CBARP: variants seen among roughly 807,000 people sequenced by gnomAD.
The protein encoded by CBARP is voltage-dependent calcium channel beta subunit-associated regulatory protein.
CBARP carries 24 observed loss-of-function variants against 36.3 expected under a neutral mutation model. The ratio of observed to expected loss-of-function variants is 0.66; its 90% CI spans 0.48 to 0.93. The LOEUF (loss-of-function observed/expected upper bound fraction) is 0.93, where lower values mean the gene tolerates loss of function less well. Among genes scored for constraint, CBARP ranks in the 40% least tolerant of loss-of-function variants. The probability of loss-of-function intolerance (pLI) is 0.00; values close to 1 mark genes in which losing one functional copy is unlikely to be tolerated. For synonymous variants in CBARP, 586 were observed against 453.2 expected, an observed-to-expected ratio of 1.29 and a Z score of -3.72; for missense variants, 1,146 against 980.4, an observed-to-expected ratio of 1.17 and a Z score of -2.26.
rs920154901 is a variant in CBARP, at chr19:1,236,132, G to A, written c.-21-11C>T. On this transcript the variant is annotated splice_polypyrimidine_tract_variant and intron_variant, in intron 1 of 9. Coordinates refer to ENST00000650044, the MANE Select transcript of CBARP (RefSeq NM_001393918.1). ...CTGGGGAGGAGGGCCCTGTGGGGAG[G>A]AAGCCTGGTCAGCTCCAGCTAGACC... 1.4e-6 allele frequency: 2 copies of A among 1,413,912 alleles called. No individual in the cohort carries two copies. The highest frequency in any genetic ancestry group is 1.5e-5 in the African/African-American group (1 of 68,300). The allele number at this position is 1,413,912 out of a possible 1,614,324, so 87.6% of individuals were successfully genotyped here. A position where few individuals can be genotyped will look rare whatever the true frequency, so the allele number is the denominator to read the frequency against.
In CBARP at chr19:1,235,151, T is replaced by C. The variant is rs769036913; in HGVS notation, c.311-6A>G. On this transcript the variant is annotated splice_polypyrimidine_tract_variant and splice_region_variant and intron_variant, in intron 4 of 9. Transcript: ENST00000650044. ...CTCTCCCCGGAAGTCGGGGTCTGCG[T>C]GGAGAGGCAGGAGAGGGTGGGCCCC... 10 of 1,567,216 alleles carry C rather than the reference T, an allele frequency of 6.4e-6. No individual in the cohort carries two copies. In the South Asian group the frequency reaches 1.2e-4, roughly 18 times the overall value.
At chr19:1,233,063 G>A (rs1355969590) in intron 8 of CBARP, among the ~76,000 whole-genome samples, 3 of 152,236 alleles carry the variant, frequency 2.0e-5, no homozygotes, top group Non-Finnish European at 1.5e-5. Context: ...ATGGCTGGGA[G>A]GGGATGCAGG....
chr19:1,233,178 C>T (rs533491006), intron 8 of CBARP, among the ~76,000 whole-genome samples: 154 of 152,318 alleles, frequency 1.0e-3, no homozygotes, highest in Non-Finnish European at 7.4e-4. Context: ...AGTCGGGGCG[C>T]GCAAAGCCTT....
At chr19:1,230,693 T>C in intron 9 of CBARP, 1 of 1,270,712 alleles carries the variant, frequency 7.9e-7, no homozygotes, top group Non-Finnish European at 9.9e-7. Flanking sequence ...TGCCCTTGGG[T>C]TGGGGGAGGG....
In CBARP at chr19:1,235,788, C is replaced by T. The variant is rs754182575; in HGVS notation, c.236G>A (p.Arg79His). Residue 79 changes from arginine (R) to histidine (H), a missense_variant, in exon 3 of 10, where the codon CGC becomes CAC. Physicochemically the swap from Arg to His is conservative, Grantham distance 29 (BLOSUM62 0). Transcript: ENST00000650044. The stretch of plus-strand genomic sequence containing the variant: ...GGTGGGGGCCTCGCACCTGTTGAGG[C>T]GCTGGTGGACGTCCCAGCAGCGCTT... ...LCKRCWDVHQRLNRAMEEAEK... is the reference protein window; with the variant it reads ...LCKRCWDVHQHLNRAMEEAEK... 8.1e-6 allele frequency: 13 copies of T among 1,607,578 alleles called. No homozygotes were observed. Among genetic ancestry groups the T allele is most frequent in the Admixed American group, 5.0e-5 (3 of 59,980 alleles).
In CBARP at chr19:1,233,419, A is replaced by G; in HGVS notation, c.979+7T>C. 6.3e-7 allele frequency: 1 copy of G among 1,580,116 alleles called. No individual in the cohort carries two copies. Among genetic ancestry groups the G allele is most frequent in the South Asian group, 1.1e-5 (1 of 87,028 alleles). On this transcript the variant is annotated splice_region_variant and intron_variant, in intron 8 of 9. Coordinates refer to ENST00000650044, the MANE Select transcript of CBARP (RefSeq NM_001393918.1). ...GGGCCCACTCTCCACCAGGTGCTAC[A>G]GCTCACCTCTCGTGTCCAGACTGGC...
chr19:1,237,484 G>A (rs2080991653), intron 1 of CBARP, among the ~76,000 whole-genome samples: 1 of 152,146 alleles, frequency 6.6e-6, no homozygotes, highest in Non-Finnish European at 1.5e-5. Flanking sequence ...GGGTGGGGAT[G>A]GCGAGCCAGG....
At position 1,229,838 on chromosome 19, in the gene CBARP, C is replaced by T; in HGVS notation, c.1459G>A (p.Ala487Thr). The T allele has an allele frequency of 2.0e-6, 2 of 984,644 alleles. No individual in the cohort carries two copies. Among genetic ancestry groups the T allele is most frequent in the Non-Finnish European group, 1.2e-6 (1 of 830,762 alleles). 61.0% of individuals were successfully genotyped at this position (984,644 alleles called of 1,614,324 possible). A position where few individuals can be genotyped will look rare whatever the true frequency, so the allele number is the denominator to read the frequency against. The change falls in exon 10 of 10, where the codon GCG (alanine) becomes ACG (threonine). Residue 487 changes from alanine (A) to threonine (T), a missense_variant. Ala to Thr is a moderately conservative substitution (Grantham distance 58). Transcript: ENST00000650044. This position sits in a 1 kb window ranked among gnomAD's most constrained non-coding sequence, Gnocchi z 5.1. ...GCCTCGCCGTCCTTGGGCCGCGGCG[C>T]GGGCGGGGAGGGCGGCGGGAAGGCG... Reference protein sequence around the residue: ...APAFPPPSPPAPRPKDGEARR... With the variant: ...APAFPPPSPPTPRPKDGEARR...
chr19:1,230,264 G>A, intron 9 of CBARP, 122 bp from the exon 10 acceptor site: 1 of 992,530 alleles, frequency 1.0e-6, no homozygotes, highest in Middle Eastern at 5.2e-4. Context: ...GGCGGGCCTT[G>A]GAAGGTGAGA....
Position 1,229,710 on chromosome 19 carries a change from C to G in CBARP, c.1587G>C (p.Pro529=). ...GGCGCGGGCGGCGGGGCCAGGCGCG[C>G]GGGCTGCGGGGCCGGGCGGGCGCGG... is the stretch of plus-strand genomic sequence containing the variant. ...PPAAPARPRS[P]RAWPRRPRRD... Residue 529 remains proline, a synonymous_variant, in exon 10 of 10, where the codon CCG becomes CCC. Coordinates refer to ENST00000650044, the MANE Select transcript of CBARP (RefSeq NM_001393918.1). The surrounding 1 kb of genome is among the most constrained non-coding windows in gnomAD (Gnocchi z 5.1). 2.0e-6 allele frequency: 2 copies of G among 991,282 alleles called. No homozygotes were observed. The highest frequency in any genetic ancestry group is 2.4e-6 in the Non-Finnish European group (2 of 833,460). 61.4% of individuals were successfully genotyped at this position (991,282 alleles called of 1,614,324 possible). A position where few individuals can be genotyped will look rare whatever the true frequency, so the allele number is the denominator to read the frequency against.
At position 1,234,976 on chromosome 19, in the gene CBARP, TGCCTCCCAAC is replaced by T; in HGVS notation, c.455+15_455+24del. On this transcript the variant is annotated intron_variant, in intron 5 of 9. Coordinates refer to ENST00000650044, the MANE Select transcript of CBARP (RefSeq NM_001393918.1). ...CCAGGACCTCAGACAGGCCCTGGGG[TGCCTCCCAAC>T]GCCGCCCCGCTTACCGGCGACCCTT... The T allele has an allele frequency of 6.3e-7, 1 of 1,587,542 alleles. No individual in the cohort carries two copies. Among genetic ancestry groups the T allele is most frequent in the Non-Finnish European group, 8.6e-7 (1 of 1,164,938 alleles).
rs979618710 is a variant in CBARP at position 1,237,983 on chromosome 19, C to T, written c.-249G>A. 1.4e-5 allele frequency: 2 copies of T among 147,006 alleles called. No homozygotes were observed. The highest frequency in any genetic ancestry group is 4.9e-5 in the African/African-American group (2 of 40,932). 9.1% of individuals were successfully genotyped at this position (147,006 alleles called of 1,614,324 possible). On this transcript the variant is annotated 5_prime_UTR_variant, in exon 1 of 10. Coordinates refer to ENST00000650044, the MANE Select transcript of CBARP (RefSeq NM_001393918.1). ...CTGCCCGGTCCCCGGCCCGCCGCCC[C>T]CGCTGCGCTCGCCGCTGGGTCTGGC...
chr19:1,230,122 G>T lies in CBARP; in HGVS notation c.1175C>A (p.Ala392Glu). ...GGGGGAATCGGGGCTCGCTCCTCCC[G>T]CTGCCTCGGCCGCCTCTAGCCTGCA... ...ALGRLEAAEA[A>E]GGASPDSPPE... The change falls in exon 10 of 10, where the codon GCG (alanine) becomes GAG (glutamate). Residue 392 changes from alanine to glutamate, a missense_variant. Ala to Glu is a moderately radical substitution (Grantham distance 107). Coordinates refer to ENST00000650044, the MANE Select transcript of CBARP (RefSeq NM_001393918.1). The T allele has an allele frequency of 1.9e-6, 2 of 1,047,570 alleles. No individual in the cohort carries two copies. The highest frequency in any genetic ancestry group is 2.3e-6 in the Non-Finnish European group (2 of 865,922). 64.9% of individuals were successfully genotyped at this position (1,047,570 alleles called of 1,614,324 possible).
Position 1,237,796 on chromosome 19 carries a change from G to C in CBARP, c.-62C>G, listed in dbSNP as rs1260889303. On this transcript the variant is annotated 5_prime_UTR_variant, in exon 1 of 10. Transcript: ENST00000650044. ...AGCGGCCCATGGGCGGCGGGCTGGCGGCGGGCGGCTGCGTGGCGCTCGCGG... is the reference window on the plus strand; with the variant it reads ...AGCGGCCCATGGGCGGCGGGCTGGCCGCGGGCGGCTGCGTGGCGCTCGCGG... The C allele has an allele frequency of 6.7e-6, 1 of 149,252 alleles. No homozygotes were observed. The highest frequency in any genetic ancestry group is 2.4e-5 in the African/African-American group (1 of 41,114). The allele number at this position is 149,252 out of a possible 1,614,324, so 9.2% of individuals were successfully genotyped here. A position where few individuals can be genotyped will look rare whatever the true frequency, so the allele number is the denominator to read the frequency against.
At chr19:1,237,090 A>G (rs888069158) in intron 1 of CBARP, among the ~76,000 whole-genome samples, 3 of 152,114 alleles carry the variant, frequency 2.0e-5, no homozygotes, top group Admixed American at 6.5e-5. Flanking sequence ...CGGCGGCCCC[A>G]GGTCAGCACC....
intron 1 of CBARP, among the ~76,000 whole-genome samples, chr19:1,237,382 G>A (rs1341121139): frequency 2.0e-5 from 3 of 152,132 alleles, no homozygotes; most frequent in African/African-American, 7.2e-5. Flanking sequence ...GCAGGAGGCC[G>A]AGGGGAAGAG....
Position 1,231,224 on chromosome 19 carries a change from G to C in CBARP, c.1031C>G (p.Thr344Arg), listed in dbSNP as rs759376967. The C allele has an allele frequency of 1.2e-6, 2 of 1,603,062 alleles. No individual in the cohort carries two copies. The highest frequency in any genetic ancestry group is 1.7e-6 in the Non-Finnish European group (2 of 1,179,540). The change falls in exon 9 of 10, where the codon ACG becomes AGG. Residue 344 changes from threonine (T) to arginine (R), a missense_variant. Physicochemically the swap from Thr to Arg is moderately conservative, Grantham distance 71. Coordinates refer to ENST00000650044, the MANE Select transcript of CBARP (RefSeq NM_001393918.1). ...FQRQRAASES[T>R]EQEEGDAPQE... is the part of the protein sequence containing the mutation. The stretch of plus-strand genomic sequence containing the variant: ...GGGGGCATCCCCCTCCTCCTGCTCC[G>C]TGCTCTCACTGGCTGCCCGCTGCCG...
chr19:1,234,535 C>A, intron 6 of CBARP, 36 bp downstream of exon 6: 2 of 1,564,438 alleles, frequency 1.3e-6, no homozygotes, highest in South Asian at 1.2e-5. Flanking sequence ...TGCCTCCCGT[C>A]CCCCGAGGAA....
At chr19:1,230,268 G>T (rs536267632) in intron 9 of CBARP, 126 bp from the exon 10 acceptor site, 1 of 992,092 alleles carries the variant, frequency 1.0e-6, no homozygotes, top group South Asian at 4.5e-5. Flanking sequence ...GGCCTTGGAA[G>T]GTGAGAGCTT....
Sources: gnomAD v4.1 joint callset for allele counts (sites outside exome capture counted in the v4.1 genomes callset) on GRCh38, gnomAD v4.1.1 for gene constraint, Gnocchi (gnomAD v3.1) non-coding constraint, MANE v1.5 for transcripts, NCBI Gene and HGNC (gene_info 2026-07-23, HGNC 2026-07-21) for gene names.